SDR9C7: variants seen among roughly 807,000 people sequenced by gnomAD.
The protein encoded by SDR9C7 is short-chain dehydrogenase/reductase family 9C member 7.
SDR9C7 carries 11 observed loss-of-function variants against 23.6 expected under a neutral mutation model. The observed-to-expected ratio is 0.47, with a 90% CI of 0.29 to 0.77. The LOEUF (loss-of-function observed/expected upper bound fraction) is 0.77. Among genes scored for constraint, SDR9C7 ranks in the 30% least tolerant of loss-of-function variants. SDR9C7 has a pLI of 0.09. For synonymous variants in SDR9C7, 167 were observed against 157.3 expected, an observed-to-expected ratio of 1.06 and a Z score of -0.46; for missense variants, 387 against 407.1, an observed-to-expected ratio of 0.95 and a Z score of 0.42.
chr12:56,932,019 C>T (rs1955771344), intron 1 of SDR9C7, among the ~76,000 whole-genome samples: 2 of 152,170 alleles, frequency 1.3e-5, no homozygotes, highest in African/African-American at 4.8e-5. Context: ...CACCCCAGTT[C>T]CCAGTGTTTC....
rs1383268059 is a variant in SDR9C7, at chr12:56,923,740, C to A, written c.*93G>T. On this transcript the variant is annotated 3_prime_UTR_variant, in exon 4 of 4. Coordinates refer to ENST00000293502, the MANE Select transcript of SDR9C7 (RefSeq NM_148897.3). ...AGCCAAGCTTCCTTTGCAGCCAATG[C>A]CCCCAGGATAACCGATACCACCTTT... The A allele has an allele frequency of 2.0e-6, 2 of 1,010,918 alleles. No individual in the cohort carries two copies. Among genetic ancestry groups the A allele is most frequent in the Middle Eastern group, 6.6e-4 (2 of 3,018 alleles). The allele number at this position is 1,010,918 out of a possible 1,614,324, so 62.6% of individuals were successfully genotyped here.
chr12:56,925,716 C>T (rs540707157), intron 3 of SDR9C7, among the ~76,000 whole-genome samples: 7 of 152,346 alleles, frequency 4.6e-5, no homozygotes, highest in South Asian at 4.1e-4. Context: ...GACCTCTGAC[C>T]GTAGAGCTGG....
At chr12:56,931,559 C>T (rs1322944016) in intron 1 of SDR9C7, among the ~76,000 whole-genome samples, 1 of 152,154 alleles carries the variant, frequency 6.6e-6, no homozygotes, top group Admixed American at 6.5e-5. Flanking sequence ...TACCTCCAGC[C>T]TTGAACAAGT....
In SDR9C7 at chr12:56,930,336, T is replaced by C; in HGVS notation, c.450A>G (p.Arg150=). 1 of 1,613,834 alleles carries C rather than the reference T, an allele frequency of 6.2e-7. No homozygotes were observed. Among genetic ancestry groups the C allele is most frequent in the Non-Finnish European group, 8.5e-7 (1 of 1,179,940 alleles). Residue 150 remains arginine, a synonymous_variant, in exon 2 of 4, where the codon AGA becomes AGG. Coordinates refer to ENST00000293502, the MANE Select transcript of SDR9C7 (RefSeq NM_148897.3). ...VTLHMLPMVK[R]ARGRVVNMSS... ...ACATGTTGACAACCCTGCCCCGGGCTCTCTTGACCATGGGCAGCATGTGAA... is the reference window on the plus strand; with the variant it reads ...ACATGTTGACAACCCTGCCCCGGGCCCTCTTGACCATGGGCAGCATGTGAA...
At chr12:56,930,180 C>A in intron 2 of SDR9C7, 46 bp downstream of exon 2, 1 of 1,601,462 alleles carries the variant, frequency 6.2e-7, no homozygotes, top group South Asian at 1.1e-5. Flanking sequence ...CCTCTCTAAT[C>A]TCTGGGATTT....
intron 1 of SDR9C7, among the ~76,000 whole-genome samples, chr12:56,933,466 C>T (rs778108825): frequency 6.6e-6 from 1 of 152,188 alleles, no homozygotes; most frequent in African/African-American, 2.4e-5. Context: ...TCAAGTGATT[C>T]TCCTGCCTCA....
At chr12:56,929,597 AT>A in intron 2 of SDR9C7, 44 bp from the exon 3 acceptor site, 1 of 1,583,298 alleles carries the variant, frequency 6.3e-7, no homozygotes, top group Non-Finnish European at 8.7e-7. Context: ...CAAGATGACA[AT>A]CATCACGGAG....
rs1955754419 is a variant in SDR9C7, at chr12:56,929,524, A to C, written c.590T>G (p.Val197Gly). 6.2e-7 allele frequency: 1 copy of C among 1,611,448 alleles called. No homozygotes were observed. Among genetic ancestry groups the C allele is most frequent in the Non-Finnish European group, 8.5e-7 (1 of 1,177,760 alleles). ...ATAGTTCCCTGGCTCAATGATGCAG[A>C]CTTTCACCCCAAAGTAGTAGAGCTC... is the stretch of plus-strand genomic sequence containing the variant. The part of the protein sequence containing the change: ...RRELYYFGVK[V>G]CIIEPGNYRT... Residue 197 changes from valine (V) to glycine (G), a missense_variant, in exon 3 of 4, where the codon GTC becomes GGC. Val to Gly is a moderately radical substitution (Grantham distance 109, BLOSUM62 -3). Transcript: ENST00000293502.
chr12:56,925,489 G>A (rs938326916), intron 3 of SDR9C7, among the ~76,000 whole-genome samples: 2 of 152,210 alleles, frequency 1.3e-5, no homozygotes, highest in East Asian at 1.9e-4. Context: ...GAATTCACCC[G>A]CTTGGGGCCA....
Position 56,929,642 on chromosome 12 carries a change from C to A in SDR9C7, c.561-89G>T, listed in dbSNP as rs566585252. On this transcript the variant is annotated intron_variant, in intron 2 of 3. Coordinates refer to ENST00000293502, the MANE Select transcript of SDR9C7 (RefSeq NM_148897.3). The stretch of plus-strand genomic sequence containing the variant: ...CTGGATGGGCTGGTCTTTCAGGAAC[C>A]TAGAGATGCTTCTCTCACCCCTGTA... The A allele has an allele frequency of 5.5e-6, 8 of 1,443,064 alleles. No individual in the cohort carries two copies. In the East Asian group the frequency reaches 9.3e-5, roughly 17 times the overall value. 89.4% of individuals were successfully genotyped at this position (1,443,064 alleles called of 1,614,324 possible). A position where few individuals can be genotyped will look rare whatever the true frequency, so the allele number is the denominator to read the frequency against.
At chr12:56,931,475 G>A (rs984530365) in intron 1 of SDR9C7, among the ~76,000 whole-genome samples, 15 of 152,134 alleles carry the variant, frequency 9.9e-5, no homozygotes, top group African/African-American at 3.6e-4. Flanking sequence ...CAAATGGAAA[G>A]AAATAATGCT....
intron 2 of SDR9C7, among the ~76,000 whole-genome samples, chr12:56,929,891 C>A (rs1049359552): frequency 4.6e-5 from 7 of 152,208 alleles, no homozygotes; most frequent in Non-Finnish European, 7.3e-5. Flanking sequence ...ACAAGGCCTG[C>A]ACGCTCCTCT....
intron 3 of SDR9C7, among the ~76,000 whole-genome samples, chr12:56,927,844 T>C (rs1955744037): frequency 6.6e-6 from 1 of 152,188 alleles, no homozygotes; most frequent in Admixed American, 6.5e-5. Flanking sequence ...TCATTTGCAG[T>C]CTGGGTCAGG....
At position 56,933,882 on chromosome 12, in the gene SDR9C7, TG is replaced by T; in HGVS notation, c.301+78del. 2.0e-6 allele frequency: 3 copies of T among 1,506,888 alleles called. No individual in the cohort carries two copies. In the South Asian group the frequency reaches 3.8e-5, roughly 19 times the overall value. 93.3% of individuals were successfully genotyped at this position (1,506,888 alleles called of 1,614,324 possible). A position where few individuals can be genotyped will look rare whatever the true frequency, so the allele number is the denominator to read the frequency against. On this transcript the variant is annotated intron_variant, in intron 1 of 3. Transcript: ENST00000293502. ...CACCCAATCTGGACATCAGGGTCTC[TG>T]ATACTGTCAGATGCTTCGGGAGAGA...
chr12:56,933,989 C>T lies in SDR9C7; in HGVS notation c.273G>A (p.Gln91=), dbSNP rs1955782826. Residue 91 remains glutamine, a synonymous_variant, in exon 1 of 4, where the codon CAG becomes CAA. Coordinates refer to ENST00000293502, the MANE Select transcript of SDR9C7 (RefSeq NM_148897.3). ...TKSESIKAAA[Q]WVRDKVGEQG... ...GTTCGCCCACTTTGTCCCTCACCCA[C>T]TGGGCCGCCGCCTTGATGCTTTCGC... 1 of 1,610,214 alleles carries T rather than the reference C, an allele frequency of 6.2e-7. No individual in the cohort carries two copies. Among genetic ancestry groups the T allele is most frequent in the African/African-American group, 1.3e-5 (1 of 74,882 alleles).
At position 56,930,239 on chromosome 12, in the gene SDR9C7, A is replaced by G; in HGVS notation, c.547T>C (p.Ser183Pro). The change falls in exon 2 of 4, where the codon TCT (serine) becomes CCT (proline). Residue 183 changes from serine to proline, a missense_variant. Transcript: ENST00000293502. ...CVSKFGVEAF[S>P]DSIRRELYYF... ...GGGCCCAGTTACCTTATGCTGTCAG[A>G]GAAGGCCTCAACGCCAAACTTGGAG... The G allele has an allele frequency of 6.2e-7, 1 of 1,614,102 alleles. No homozygotes were observed. Among genetic ancestry groups the G allele is most frequent in the Non-Finnish European group, 8.5e-7 (1 of 1,180,016 alleles).
At chr12:56,925,783 G>A (rs1359310424) in intron 3 of SDR9C7, among the ~76,000 whole-genome samples, 2 of 152,208 alleles carry the variant, frequency 1.3e-5, no homozygotes, top group African/African-American at 4.8e-5. Flanking sequence ...GGATGCCCAG[G>A]AGGCTCTCTC....
chr12:56,932,237 GC>G (rs1986133875), intron 1 of SDR9C7, among the ~76,000 whole-genome samples: 1 of 152,162 alleles, frequency 6.6e-6, no homozygotes, highest in Admixed American at 6.5e-5. Flanking sequence ...AACCTGGTGA[GC>G]CCAATATAAT....
Position 56,929,514 on chromosome 12 carries a change from A to C in SDR9C7, c.600T>G (p.Ile200Met). Residue 200 changes from isoleucine (I) to methionine (M), a missense_variant, in exon 3 of 4, where the codon ATT becomes ATG. Ile to Met is a conservative substitution (Grantham distance 10). Coordinates refer to ENST00000293502, the MANE Select transcript of SDR9C7 (RefSeq NM_148897.3). ...TGGCTGTCCGATAGTTCCCTGGCTC[A>C]ATGATGCAGACTTTCACCCCAAAGT... is the stretch of plus-strand genomic sequence containing the variant. ...LYYFGVKVCI[I>M]EPGNYRTAIL... 1 of 1,612,432 alleles carries C rather than the reference A, an allele frequency of 6.2e-7. No individual in the cohort carries two copies. The highest frequency in any genetic ancestry group is 8.5e-7 in the Non-Finnish European group (1 of 1,178,574).
Sources: allele counts gnomAD v4.1 joint callset (sites outside exome capture counted in the v4.1 genomes callset), GRCh38; gene constraint gnomAD v4.1.1; transcripts MANE v1.5; gene names NCBI Gene and HGNC (gene_info 2026-07-23, HGNC 2026-07-21).